The following NXPE4 variants were observed in gnomAD, a reference collection of about 807,000 sequenced individuals.
NXPE4 encodes NXPE family member 4.
Under a neutral mutation model 33.3 loss-of-function variants are expected in NXPE4, and 42 were observed. The ratio of observed to expected loss-of-function variants is 1.26; its 90% CI spans 0.98 to 1.63. The LOEUF (loss-of-function observed/expected upper bound fraction) is 1.63, where lower values mean the gene tolerates loss of function less well. NXPE4 is among the 40% of genes most tolerant of loss of function. The probability of loss-of-function intolerance (pLI) is 0.00; values close to 1 mark genes in which losing one functional copy is unlikely to be tolerated. For synonymous variants in NXPE4, 253 were observed against 234.9 expected (o/e 1.08, Z -0.71); for missense variants, 709 against 647.6 (o/e 1.09, Z -1.03).
At chr11:114,628,305 A>G in the NXPE4 span, among the ~76,000 whole-genome samples, 1 of 151,800 alleles carries the variant, frequency 6.6e-6, no homozygotes, top group East Asian at 1.9e-4. Context: ...AAGAACAGAA[A>G]TTATAACAAA....
At chr11:114,625,536 T>G in the NXPE4 span, among the ~76,000 whole-genome samples, 6 of 152,310 alleles carry the variant, frequency 3.9e-5, no homozygotes, top group East Asian at 1.2e-3. Flanking sequence ...TATTGCCTCA[T>G]GAGTAACCAC....
chr11:114,647,929 T>G, the NXPE4 span, among the ~76,000 whole-genome samples: 6 of 152,302 alleles, frequency 3.9e-5, no homozygotes, highest in South Asian at 1.2e-3. Context: ...CTTGAACTCC[T>G]GACCTCGTGA....
the NXPE4 span, among the ~76,000 whole-genome samples, chr11:114,617,431 A>G: frequency 6.6e-5 from 10 of 152,098 alleles, no homozygotes; most frequent in South Asian, 2.1e-3. Context: ...CCGGGTGGAT[A>G]ATAAGTATTG....
the NXPE4 span, among the ~76,000 whole-genome samples, chr11:114,667,599 C>T: frequency 0.01 from 1,557 of 152,258 alleles, 13 homozygotes; most frequent in Non-Finnish European, 0.018. Context: ...TTCCTCCTTG[C>T]TTTCTCTCTT....
At chr11:114,639,737 A>ATAAAAT in the NXPE4 span, among the ~76,000 whole-genome samples, 1 of 105,568 alleles carries the variant, frequency 9.5e-6, no homozygotes, top group Non-Finnish European at 1.9e-5. Context: ...TATAATATAA[A>ATAAAAT]ATAATATATA....
At chr11:114,590,373 C>A (rs1949421995) in intron 2 of NXPE4, among the ~76,000 whole-genome samples, 1 of 152,108 alleles carries the variant, frequency 6.6e-6, no homozygotes, top group Non-Finnish European at 1.5e-5. Context: ...AGAATTAAGC[C>A]CATTTCCTCC....
the NXPE4 span, among the ~76,000 whole-genome samples, chr11:114,651,465 A>G: frequency 4.6e-5 from 7 of 152,356 alleles, no homozygotes; most frequent in East Asian, 1.4e-3. Context: ...GGACCCAAAG[A>G]GTAAGCAGCA....
intron 2 of NXPE4, among the ~76,000 whole-genome samples, chr11:114,593,857 T>C (rs1949517984): frequency 6.6e-6 from 1 of 152,106 alleles, no homozygotes. Context: ...AAGAACAAGA[T>C]TCTGTCATTT....
the NXPE4 span, among the ~76,000 whole-genome samples, chr11:114,639,807 AAAT>A: frequency 7.2e-5 from 4 of 55,280 alleles, no homozygotes; most frequent in Non-Finnish European, 1.4e-4. Flanking sequence ...ATTAAATATA[AAAT>A]AATATAAAAT....
chr11:114,599,084 C>T (rs75807027), upstream of NXPE4, among the ~76,000 whole-genome samples: 12,414 of 152,110 alleles, frequency 0.082, 633 homozygotes, highest in Middle Eastern at 0.2. Context: ...CACATGCATA[C>T]GAGCATAGGT....
chr11:114,581,850 T>C, intron 3 of NXPE4, 64 bp from the exon 4 acceptor site: 8 of 1,090,916 alleles, frequency 7.3e-6, no homozygotes, highest in Non-Finnish European at 1.1e-5. Flanking sequence ...ATACAGAAAC[T>C]AGATTATCCA....
At chr11:114,593,160 G>A (rs1053241821) in intron 2 of NXPE4, among the ~76,000 whole-genome samples, 1 of 152,064 alleles carries the variant, frequency 6.6e-6, no homozygotes, top group Non-Finnish European at 1.5e-5. Context: ...GAGAAGAAAA[G>A]CAAAGATAGA....
upstream of NXPE4, chr11:114,595,853 G>C (rs901455369): frequency 2.0e-5 from 3 of 152,346 alleles, no homozygotes; most frequent in African/African-American, 7.2e-5. Context: ...AGCTCAAGCA[G>C]AGGTAGGAAG....
the NXPE4 span, among the ~76,000 whole-genome samples, chr11:114,632,175 A>T: frequency 7.1e-6 from 1 of 141,236 alleles, no homozygotes; most frequent in East Asian, 1.9e-4. Context: ...ATCATATAAT[A>T]TATAATAAAT....
In NXPE4 at chr11:114,571,037, A is replaced by T; in HGVS notation, c.1536T>A (p.Asp512Glu). The change falls in exon 6 of 6, where the codon GAT becomes GAA. Residue 512 changes from aspartate to glutamate, a missense_variant. By Grantham distance (45) the Asp-to-Glu change is conservative. Coordinates refer to ENST00000375478, the MANE Select transcript of NXPE4 (RefSeq NM_001077639.2). ...IFQDLSVSIIDAWDITIAYGT... is the reference protein window; with the variant it reads ...IFQDLSVSIIEAWDITIAYGT... Reference sequence around the variant, plus strand: ...CATATGCAATTGTTATATCCCAGGCATCAATGATACTCACACTGAGATCCT... The same window carrying T: ...CATATGCAATTGTTATATCCCAGGCTTCAATGATACTCACACTGAGATCCT... 1 of 1,613,574 alleles carries T rather than the reference A, an allele frequency of 6.2e-7. No homozygotes were observed. The highest frequency in any genetic ancestry group is 8.5e-7 in the Non-Finnish European group (1 of 1,179,510).
At chr11:114,651,815 C>T in the NXPE4 span, among the ~76,000 whole-genome samples, 1 of 152,166 alleles carries the variant, frequency 6.6e-6, no homozygotes, top group Non-Finnish European at 1.5e-5. Flanking sequence ...CTGATTGGTG[C>T]ATTTACAATC....
intron 5 of NXPE4, among the ~76,000 whole-genome samples, chr11:114,577,840 G>A (rs568538300): frequency 6.6e-6 from 1 of 152,244 alleles, no homozygotes. Context: ...ATTATATTCT[G>A]TACTTCTGTG....
chr11:114,592,655 TTC>T (rs1949484555), intron 2 of NXPE4, among the ~76,000 whole-genome samples: 1 of 152,100 alleles, frequency 6.6e-6, no homozygotes, highest in Non-Finnish European at 1.5e-5. Context: ...ACCAATAATA[TTC>T]TTCATCGAAA....
At chr11:114,668,287 C>A in the NXPE4 span, among the ~76,000 whole-genome samples, 1 of 151,926 alleles carries the variant, frequency 6.6e-6, no homozygotes, top group African/African-American at 2.4e-5. Flanking sequence ...AAGGGACAGG[C>A]TCCTGCTTGT....
Sources: allele counts gnomAD v4.1 joint callset (sites outside exome capture counted in the v4.1 genomes callset), GRCh38; gene constraint gnomAD v4.1.1; transcripts MANE v1.5; gene names NCBI Gene and HGNC (gene_info 2026-07-23, HGNC 2026-07-21).